Variants in ZNF420 observed in about 807,000 individuals in gnomAD.
The protein encoded by ZNF420 is ATM and p53-associated KZNF protein.
In ZNF420, 31 loss-of-function variants were observed where a neutral mutation model predicts 44.7. That is an observed-to-expected ratio of 0.69 (90% CI 0.52 to 0.94). ZNF420 has a LOEUF of 0.94. Ranked by LOEUF, ZNF420 falls within the 40% of genes least tolerant of loss-of-function variation. ZNF420 has a pLI of 0.00. For synonymous variants in ZNF420, 245 were observed against 267.4 expected, an observed-to-expected ratio of 0.92 and a Z score of 0.82; for missense variants, 681 against 827.9, an observed-to-expected ratio of 0.82 and a Z score of 2.18.
chr19:37,062,480 C>T (rs909673767), intron 1 of ZNF420, among the ~76,000 whole-genome samples: 2 of 152,126 alleles, frequency 1.3e-5, no homozygotes, highest in Non-Finnish European at 2.9e-5. Context: ...AAAGACAGTG[C>T]AAACTATATA....
chr19:37,125,064 C>T (rs867004507), intron 4 of ZNF420, among the ~76,000 whole-genome samples: 12 of 152,198 alleles, frequency 7.9e-5, no homozygotes, highest in African/African-American at 2.4e-4. Flanking sequence ...TCTCGAACTC[C>T]TGACCTCAAA....
At chr19:37,024,497 TGGG>T (rs2074670811) in intron 1 of ZNF420, among the ~76,000 whole-genome samples, 1 of 152,158 alleles carries the variant, frequency 6.6e-6, no homozygotes, top group Non-Finnish European at 1.5e-5. Context: ...TTACCCAGGC[TGGG>T]GTGCAGTGGT....
At chr19:37,051,747 C>G (rs1442459669) in intron 1 of ZNF420, among the ~76,000 whole-genome samples, 2 of 152,096 alleles carry the variant, frequency 1.3e-5, no homozygotes, top group Non-Finnish European at 2.9e-5. Flanking sequence ...TTAGGTGTTT[C>G]TTGCCTTCTG....
Position 37,063,105 on chromosome 19 carries a change from T to TCCA in ZNF420, c.-124-17239_-124-17237dup, listed in dbSNP as rs1228714774. 7.9e-5 allele frequency among the ~76,000 whole-genome samples: 12 copies of TCCA among 152,048 alleles called. No individual in the cohort carries two copies. In the East Asian group the frequency reaches 1.3e-3, roughly 17 times the overall value. ...ACTCTTCGATCTATCCATCCATCCA[T>TCCA]CCATCCAATCACAAACTTACAGAAA... On this transcript the variant is annotated intron_variant, in intron 1 of 4. Coordinates refer to the ZNF420 transcript ENST00000587029.
intron 4 of ZNF420, chr19:37,106,798 T>C (rs948155468): frequency 6.6e-6 from 1 of 152,104 alleles, no homozygotes; most frequent in Non-Finnish European, 1.5e-5. Context: ...CCTCAGTATT[T>C]ATTGATCATT....
intron 1 of ZNF420, among the ~76,000 whole-genome samples, chr19:37,016,779 G>A (rs1031697365): frequency 3.9e-5 from 6 of 152,164 alleles, no homozygotes; most frequent in African/African-American, 9.7e-5. Flanking sequence ...GGGACCCCTC[G>A]GAGGATGATT....
At chr19:37,076,625 T>C (rs1328919148), upstream of ZNF420, among the ~76,000 whole-genome samples, 1 of 152,184 alleles carries the variant, frequency 6.6e-6, no homozygotes, top group Non-Finnish European at 1.5e-5. Flanking sequence ...CATGTGGTGT[T>C]TGGTTTTCTG....
chr19:37,050,252 A>G (rs1034320515), intron 1 of ZNF420, among the ~76,000 whole-genome samples: 1 of 152,142 alleles, frequency 6.6e-6, no homozygotes, highest in East Asian at 1.9e-4. Context: ...ATTCTGTGAA[A>G]AAAGTCATTG....
intron 1 of ZNF420, among the ~76,000 whole-genome samples, chr19:37,009,423 TC>T (rs1237056470): frequency 6.6e-6 from 1 of 152,148 alleles, no homozygotes; most frequent in African/African-American, 2.4e-5. Context: ...GTGCCCCCCT[TC>T]CACCGGGCAC....
In ZNF420 at chr19:37,127,801, G is replaced by C; in HGVS notation, c.810G>C (p.Gln270His). The C allele has an allele frequency of 6.2e-7, 1 of 1,613,912 alleles. No homozygotes were observed. The highest frequency in any genetic ancestry group is 8.5e-7 in the Non-Finnish European group (1 of 1,179,946). The stretch of plus-strand genomic sequence containing the variant: ...AGAATTCACAACTTACACTACACCA[G>C]AGACTTCATACTGGTGAAAAGCTCT... ...FTQNSQLTLH[Q>H]RLHTGEKLYE... is the part of the protein sequence containing the mutation. Residue 270 changes from glutamine (Q) to histidine (H), a missense_variant, in exon 5 of 5, where the codon CAG becomes CAC. Around this residue, in one of 3 missense-constraint regions of ZNF420, gnomAD observed 350 missense variants for 382.5 expected, o/e 0.92. Transcript: ENST00000337995.
chr19:37,037,583 T>C (rs996767239), intron 1 of ZNF420, among the ~76,000 whole-genome samples: 1 of 152,118 alleles, frequency 6.6e-6, no homozygotes. Flanking sequence ...CAGGGGAAGA[T>C]CTCAACCAGT....
chr19:37,111,168 T>C (rs1251894866), intron 4 of ZNF420, among the ~76,000 whole-genome samples: 1 of 152,208 alleles, frequency 6.6e-6, no homozygotes, highest in Non-Finnish European at 1.5e-5. Flanking sequence ...TGTTGGAAAA[T>C]GTGCAGTAGC....
Position 37,122,469 on chromosome 19 carries a change from G to T in ZNF420, c.137-4659G>T, listed in dbSNP as rs568702843. Among the ~76,000 whole-genome samples, 4 of 151,682 alleles carry T rather than the reference G, an allele frequency of 2.6e-5. No homozygotes were observed. In the South Asian group the frequency reaches 6.3e-4, roughly 24 times the overall value. On this transcript the variant is annotated intron_variant, in intron 4 of 4. Transcript: ENST00000337995. ...CACACTCCAGGGACTGTTGTGGGGT[G>T]GGGGGAGGCGGGAGGGATAGCATTA...
chr19:37,118,899 C>T (rs1970854873), intron 4 of ZNF420, among the ~76,000 whole-genome samples: 1 of 152,160 alleles, frequency 6.6e-6, no homozygotes, highest in Non-Finnish European at 1.5e-5. Flanking sequence ...TTAAAGGGAT[C>T]AATTCACCAA....
intron 1 of ZNF420, among the ~76,000 whole-genome samples, chr19:37,037,487 C>T (rs1967377811): frequency 6.6e-6 from 1 of 152,190 alleles, no homozygotes; most frequent in African/African-American, 2.4e-5. Flanking sequence ...ACTTTCTGCC[C>T]CAGGGCATCT....
chr19:37,111,481 TA>T (rs1568465908), intron 4 of ZNF420: 1 of 152,236 alleles, frequency 6.6e-6, no homozygotes, highest in African/African-American at 2.4e-5. Context: ...TCTGCATCCC[TA>T]AATAATGAAA....
At chr19:37,104,677 T>G (rs1969975765) in intron 4 of ZNF420, among the ~76,000 whole-genome samples, 1 of 152,176 alleles carries the variant, frequency 6.6e-6, no homozygotes, top group South Asian at 2.1e-4. Context: ...TGATTGCCAT[T>G]CTAAGTGGTG....
intron 4 of ZNF420, chr19:37,111,757 T>C (rs1393290774): frequency 6.6e-6 from 1 of 152,202 alleles, no homozygotes; most frequent in East Asian, 1.9e-4. Flanking sequence ...TTATTATTTA[T>C]GGCTGGTATA....
intron 3 of ZNF420, among the ~76,000 whole-genome samples, chr19:37,090,079 T>G (rs1241673554): frequency 6.6e-6 from 1 of 152,226 alleles, no homozygotes; most frequent in Non-Finnish European, 1.5e-5. Context: ...AAACTTACAT[T>G]TATTGAGAAT....
Sources: allele counts gnomAD v4.1 joint callset (sites outside exome capture counted in the v4.1 genomes callset), GRCh38; gene constraint gnomAD v4.1.1; regional missense constraint gnomAD v4.1.1; transcripts MANE v1.5; gene names NCBI Gene and HGNC (gene_info 2026-07-23, HGNC 2026-07-21).